IL17RC: variants seen among roughly 807,000 people sequenced by gnomAD.
IL17RC encodes interleukin-17 receptor C.
IL17RC carries 53 observed loss-of-function variants against 86.7 expected under a neutral mutation model. That is an observed-to-expected ratio of 0.61 (90% confidence interval 0.49 to 0.77). The LOEUF (loss-of-function observed/expected upper bound fraction) is 0.77, where lower values mean the gene tolerates loss of function less well. Among genes scored for constraint, IL17RC ranks in the 30% least tolerant of loss-of-function variants. The pLI is 0.00. For synonymous variants in IL17RC, 439 were observed against 413.1 expected, an observed-to-expected ratio of 1.06 and a Z score of -0.76; for missense variants, 957 against 940.0, an observed-to-expected ratio of 1.02 and a Z score of -0.24.
intron 5 of IL17RC, 133 bp from the exon 6 acceptor site, chr3:9,920,358 T>C: frequency 3.2e-6 from 2 of 622,972 alleles, no homozygotes; most frequent in South Asian, 1.9e-5. Flanking sequence ...GATTTCAGGC[T>C]ATACAGTATA....
Position 9,917,723 on chromosome 3 carries a change from GC to G in IL17RC, c.118del (p.Arg40AlafsTer33). 6.2e-7 allele frequency: 1 copy of G among 1,613,728 alleles called. No homozygotes were observed. Among genetic ancestry groups the G allele is most frequent in the Non-Finnish European group, 8.5e-7 (1 of 1,180,012 alleles). On this transcript the variant is annotated frameshift_variant, in exon 2 of 19. Transcript: ENST00000403601. LOFTEE classifies it high-confidence loss of function. ...TTCTTTCCTTCCCAGGGCCTCTCCT[GC>G]CGCCTCTGGGGTAAGTATCCCTACT... ...DATHCSPGLS[C>X]RLWDSDILCL...
intron 9 of IL17RC, among the ~76,000 whole-genome samples, chr3:9,927,107 A>C (rs2084156644): frequency 6.6e-6 from 1 of 152,244 alleles, no homozygotes; most frequent in African/African-American, 2.4e-5. Context: ...GGCTTGATGG[A>C]TAAATTAATG....
At chr3:9,921,791 A>ATT (rs1212669570) in intron 7 of IL17RC, among the ~76,000 whole-genome samples, 1 of 137,130 alleles carries the variant, frequency 7.3e-6, no homozygotes, top group Non-Finnish European at 1.6e-5. Flanking sequence ...CGCCTGGCTA[A>ATT]TTTTTTTTTT....
At chr3:9,918,877 G>A (rs563963934) in intron 5 of IL17RC, among the ~76,000 whole-genome samples, 1 of 152,282 alleles carries the variant, frequency 6.6e-6, no homozygotes, top group Admixed American at 6.5e-5. Context: ...ATGGGGATGA[G>A]AATAGTTCTA....
rs778533468 is a variant in IL17RC, at chr3:9,924,069, G to C, written c.762+49G>C. Reference sequence around the variant, plus strand: ...CCATTCCCACTGTAGGCCGATGCCTGTGCAAAGGACGCAGTGCCATATCAG... The same window carrying C: ...CCATTCCCACTGTAGGCCGATGCCTCTGCAAAGGACGCAGTGCCATATCAG... On this transcript the variant is annotated intron_variant, in intron 8 of 18. Coordinates refer to ENST00000403601, the MANE Select transcript of IL17RC (RefSeq NM_153460.4). 8 of 1,611,354 alleles carry C rather than the reference G, an allele frequency of 5.0e-6. No homozygotes were observed. In the African/African-American group the frequency reaches 1.1e-4, roughly 21 times the overall value.
intron 9 of IL17RC, among the ~76,000 whole-genome samples, chr3:9,926,597 T>C (rs550864955): frequency 8.6e-5 from 13 of 151,998 alleles, no homozygotes; most frequent in African/African-American, 3.1e-4. Context: ...ACTTGTTTTT[T>C]GTTTTTTTGT....
chr3:9,920,777 T>C, intron 6 of IL17RC, 148 bp from the exon 7 acceptor site: 1 of 768,540 alleles, frequency 1.3e-6, no homozygotes, highest in South Asian at 1.7e-5. Flanking sequence ...TTCCAGCCCC[T>C]GGGGAAGGTT....
chr3:9,926,789 A>G (rs2084122988), intron 9 of IL17RC, among the ~76,000 whole-genome samples: 1 of 151,916 alleles, frequency 6.6e-6, no homozygotes, highest in South Asian at 2.1e-4. Flanking sequence ...TGCCCGGCTA[A>G]TTTTTGTATT....
rs375887120 is a variant in IL17RC, at chr3:9,928,450, G to C, written c.1023G>C (p.Leu341=). The change falls in exon 11 of 19, where the codon CTG becomes CTC. Residue 341 remains leucine, a synonymous_variant. Coordinates refer to ENST00000403601, the MANE Select transcript of IL17RC (RefSeq NM_153460.4). ...RAPGGDPCQP[L]VPPLSWENVT... is the part of the protein sequence containing the mutation. Reference sequence around the variant, plus strand: ...CGGGTGGGGACCCCTGCCAGCCACTGGTCCCACCGCTTTCCTGGGAGAACG... The same window carrying C: ...CGGGTGGGGACCCCTGCCAGCCACTCGTCCCACCGCTTTCCTGGGAGAACG... The C allele has an allele frequency of 1.2e-6, 2 of 1,609,444 alleles. No homozygotes were observed. The highest frequency in any genetic ancestry group is 2.2e-5 in the South Asian group (2 of 91,054).
intron 6 of IL17RC, 124 bp downstream of exon 6, chr3:9,920,726 G>A: frequency 1.3e-6 from 1 of 794,616 alleles, no homozygotes; most frequent in Non-Finnish European, 2.1e-6. Flanking sequence ...ATCCTCCCCA[G>A]AGTCAGTCCC....
At chr3:9,925,820 T>C (rs2084010813) in intron 9 of IL17RC, among the ~76,000 whole-genome samples, 1 of 151,754 alleles carries the variant, frequency 6.6e-6, no homozygotes, top group Non-Finnish European at 1.5e-5. Context: ...CTTCTATCTT[T>C]CCTTGTCCAT....
In IL17RC at chr3:9,931,472, TATATATATATATA is replaced by T. The variant is rs1559321222; in HGVS notation, c.1387+530_1387+542del. 1.1e-3 allele frequency among the ~76,000 whole-genome samples: 9 copies of T among 8,076 alleles called. No homozygotes were observed. The East Asian group carries it at 0.069, about 62-fold the overall frequency. 5.3% of individuals were successfully genotyped at this position (8,076 alleles called of 152,430 possible). A position where few individuals can be genotyped will look rare whatever the true frequency, so the allele number is the denominator to read the frequency against. On this transcript the variant is annotated intron_variant, in intron 16 of 18. Coordinates refer to ENST00000403601, the MANE Select transcript of IL17RC (RefSeq NM_153460.4). ...TATATTTCACACACACACACACACATATATATATATATATATATATATATATATATACTTATTT... is the reference window on the plus strand; with the variant it reads ...TATATTTCACACACACACACACACATTATATATATATATATATACTTATTT...
chr3:9,924,208 C>G, intron 8 of IL17RC, 24 bp from the exon 9 acceptor site: 1 of 1,613,886 alleles, frequency 6.2e-7, no homozygotes, highest in South Asian at 1.1e-5. Flanking sequence ...CTTCTCCAAC[C>G]TCCTTCCTTT....
intron 5 of IL17RC, 24 bp downstream of exon 5, chr3:9,918,633 C>T (rs779169523): frequency 1.4e-6 from 2 of 1,479,270 alleles, no homozygotes; most frequent in Non-Finnish European, 1.9e-6. Flanking sequence ...TAATAATCAC[C>T]TTCTAAACCT....
Position 9,928,487 on chromosome 3 carries a change from G to GT in IL17RC, c.1059+2dup. The GT allele has an allele frequency of 6.2e-7, 1 of 1,612,304 alleles. No homozygotes were observed. Among genetic ancestry groups the GT allele is most frequent in the South Asian group, 1.1e-5 (1 of 91,068 alleles). ...TTCCTGGGAGAACGTCACTGTGGAC[G>GT]TAAGTGAAGCAGAGGGCACCTCCCG... On this transcript the variant is annotated splice_donor_variant, in intron 11 of 18. Coordinates refer to ENST00000403601, the MANE Select transcript of IL17RC (RefSeq NM_153460.4). LOFTEE classifies it high-confidence loss of function.
chr3:9,929,613 G>A (rs549506926), intron 12 of IL17RC: 156 of 575,126 alleles, frequency 2.7e-4, no homozygotes, highest in South Asian at 6.9e-4. Context: ...ACCATGCTCC[G>A]TAAGACATAA....
chr3:9,920,106 CATG>C (rs1405503533), intron 5 of IL17RC, among the ~76,000 whole-genome samples: 1 of 152,146 alleles, frequency 6.6e-6, no homozygotes, highest in African/African-American at 2.4e-5. Flanking sequence ...CTGCTTGGTC[CATG>C]TCACAAGCAG....
At chr3:9,931,283 CA>C (rs2084631074) in intron 16 of IL17RC, among the ~76,000 whole-genome samples, 1 of 151,218 alleles carries the variant, frequency 6.6e-6, no homozygotes, top group Non-Finnish European at 1.5e-5. Context: ...GTGAGGGGCT[CA>C]GGGGGAAGGT....
intron 6 of IL17RC, 148 bp from the exon 7 acceptor site, chr3:9,920,777 T>A: frequency 1.3e-6 from 1 of 768,538 alleles, no homozygotes; most frequent in East Asian, 2.7e-5. Context: ...TTCCAGCCCC[T>A]GGGGAAGGTT....
Sources: allele counts gnomAD v4.1 joint callset (sites outside exome capture counted in the v4.1 genomes callset), GRCh38; gene constraint gnomAD v4.1.1; transcripts MANE v1.5; gene names NCBI Gene and HGNC (gene_info 2026-07-23, HGNC 2026-07-21).